The following FBXO27 variants were observed in gnomAD, a reference collection of about 807,000 sequenced individuals.
The protein encoded by FBXO27 is F-box protein 27.
A neutral mutation model predicts 28.3 loss-of-function variants in FBXO27; 28 were observed. The observed-to-expected ratio is 0.99, with a 90% CI of 0.73 to 1.36. The LOEUF (loss-of-function observed/expected upper bound fraction) is 1.36. Among genes scored for constraint, FBXO27 ranks in the 40% most tolerant of loss-of-function variants. The pLI is 0.00. For synonymous variants in FBXO27, 175 were observed against 167.3 expected, an observed-to-expected ratio of 1.05 and a Z score of -0.36; for missense variants, 388 against 394.1, an observed-to-expected ratio of 0.98 and a Z score of 0.13.
chr19:39,026,937 G>A lies in FBXO27; in HGVS notation c.641C>T (p.Thr214Ile), dbSNP rs1215727397. The A allele has an allele frequency of 6.2e-7, 1 of 1,614,204 alleles. No individual in the cohort carries two copies. Among genetic ancestry groups the A allele is most frequent in the Non-Finnish European group, 8.5e-7 (1 of 1,180,046 alleles). ...LLVQLLDANQ[T>I]VLDKFSAVPD... ...CACAGCAGAGAATTTATCTAGAACA[G>A]TCTGGTTGGCGTCTAGAAGTTGGAC... The change falls in exon 5 of 6, where the codon ACT becomes ATT. Residue 214 changes from threonine (T) to isoleucine (I), a missense_variant. Transcript: ENST00000292853.
At chr19:39,006,542 A>G (rs1381004531) in intron 2 of FBXO27, among the ~76,000 whole-genome samples, 1 of 151,154 alleles carries the variant, frequency 6.6e-6, no homozygotes, top group Non-Finnish European at 1.5e-5. Flanking sequence ...CTGGGCAACA[A>G]GAGCGAAACT....
intron 3 of FBXO27, 26 bp downstream of exon 3, chr19:39,031,183 G>A (rs763946942): frequency 1.3e-5 from 21 of 1,613,354 alleles, no homozygotes; most frequent in East Asian, 8.9e-5. Flanking sequence ...CAAGGGGCCG[G>A]ACCTTTGGAT....
chr19:39,021,549 T>TATATA (rs1253217028), downstream of FBXO27, among the ~76,000 whole-genome samples: 1 of 152,198 alleles, frequency 6.6e-6, no homozygotes, highest in African/African-American at 2.4e-5. Context: ...AAGAATACAG[T>TATATA]ATATAATATA....
chr19:39,016,762 G>T (rs1407621850), intron 1 of FBXO27, among the ~76,000 whole-genome samples: 1 of 151,534 alleles, frequency 6.6e-6, no homozygotes, highest in Non-Finnish European at 1.5e-5. Flanking sequence ...TCTAGCCTGG[G>T]CAACAGAGTG....
downstream of FBXO27, among the ~76,000 whole-genome samples, chr19:39,020,938 T>C (rs2072842580): frequency 6.6e-6 from 1 of 151,774 alleles, no homozygotes; most frequent in Non-Finnish European, 1.5e-5. Flanking sequence ...CACTGCAACC[T>C]CCGCCTCCCG....
chr19:39,018,130 G>A (rs79094608), intron 1 of FBXO27, among the ~76,000 whole-genome samples: 17,824 of 152,074 alleles, frequency 0.12, 1,187 homozygotes, highest in African/African-American at 0.15. Context: ...ACAGGTGCCC[G>A]CCACCATGCC....
At chr19:39,013,840 C>T (rs1429252268) in intron 2 of FBXO27, among the ~76,000 whole-genome samples, 1 of 151,696 alleles carries the variant, frequency 6.6e-6, no homozygotes, top group Non-Finnish European at 1.5e-5. Flanking sequence ...GGTGAAACCC[C>T]GTCTCTACTA....
chr19:39,022,429 C>A (rs1344573729), downstream of FBXO27, among the ~76,000 whole-genome samples: 1 of 152,046 alleles, frequency 6.6e-6, no homozygotes, highest in Non-Finnish European at 1.5e-5. Context: ...GCGTGAGCCA[C>A]CACATCCAGT....
At chr19:39,020,755 CAAAAAA>C (rs61577516), downstream of FBXO27, among the ~76,000 whole-genome samples, 2 of 105,282 alleles carry the variant, frequency 1.9e-5, no homozygotes, top group Admixed American at 1.0e-4. Context: ...GTGGATATGG[CAAAAAA>C]AAAAAAAAAA....
intron 1 of FBXO27, among the ~76,000 whole-genome samples, chr19:39,018,022 C>T (rs2072827703): frequency 6.6e-6 from 1 of 152,156 alleles, no homozygotes; most frequent in Non-Finnish European, 1.5e-5. Context: ...ACTCTTGATG[C>T]TCAGGCTGGA....
At chr19:39,025,793 T>C (rs1367739695) in intron 5 of FBXO27, among the ~76,000 whole-genome samples, 2 of 152,052 alleles carry the variant, frequency 1.3e-5, no homozygotes, top group Non-Finnish European at 2.9e-5. Context: ...GGCAGGTGGA[T>C]TGCTTGAGGC....
At chr19:39,010,333 C>T (rs940084328) in intron 2 of FBXO27, among the ~76,000 whole-genome samples, 2 of 152,040 alleles carry the variant, frequency 1.3e-5, no homozygotes, top group African/African-American at 2.4e-5. Context: ...CTTTGGATGT[C>T]GTTATCTGGC....
chr19:39,012,036 T>G (rs915551060), intron 2 of FBXO27, among the ~76,000 whole-genome samples: 9 of 151,426 alleles, frequency 5.9e-5, no homozygotes, highest in Non-Finnish European at 1.3e-4. Flanking sequence ...GGTTTCACCA[T>G]GTTAGCCAGG....
downstream of FBXO27, among the ~76,000 whole-genome samples, chr19:39,020,573 A>G (rs752805989): frequency 1.3e-5 from 2 of 152,110 alleles, no homozygotes; most frequent in Non-Finnish European, 2.9e-5. Flanking sequence ...AGAGAACATT[A>G]GAAAAGTCTG....
chr19:39,023,874 CA>C (rs538651073), downstream of FBXO27, among the ~76,000 whole-genome samples: 5 of 152,124 alleles, frequency 3.3e-5, no homozygotes, highest in Non-Finnish European at 7.4e-5. Flanking sequence ...CTCGGCCTCC[CA>C]AAGTGCTGGG....
At chr19:39,008,095 C>T (rs2072778283) in intron 2 of FBXO27, among the ~76,000 whole-genome samples, 1 of 151,986 alleles carries the variant, frequency 6.6e-6, no homozygotes, top group African/African-American at 2.4e-5. Flanking sequence ...AAACCCCCAT[C>T]TCTACTAAAA....
chr19:39,017,935 G>A (rs557592710), intron 1 of FBXO27, among the ~76,000 whole-genome samples: 29 of 152,192 alleles, frequency 1.9e-4, no homozygotes, highest in Non-Finnish European at 2.2e-4. Context: ...TATATAAAAT[G>A]CAGTGATATT....
chr19:39,032,133 T>G lies in FBXO27; in HGVS notation c.95A>C (p.Glu32Ala). The G allele has an allele frequency of 6.5e-7, 1 of 1,542,774 alleles. No homozygotes were observed. Among genetic ancestry groups the G allele is most frequent in the Non-Finnish European group, 8.7e-7 (1 of 1,151,354 alleles). The change falls in exon 2 of 6, where the codon GAG becomes GCG. Residue 32 changes from glutamate (E) to alanine (A), a missense_variant. Transcript: ENST00000292853. This position sits in a 1 kb window ranked among gnomAD's most constrained non-coding sequence, Gnocchi z 4.7. ...GTGGCTCAGCACCACCAGAAGCAGC[T>G]CTGGGGGTAGTTGGCTCAGGTCCAG... ...EALDLSQLPP[E>A]LLLVVLSHVP...
intron 4 of FBXO27, among the ~76,000 whole-genome samples, chr19:39,028,959 T>G (rs1488889229): frequency 6.6e-6 from 1 of 151,562 alleles, no homozygotes; most frequent in Non-Finnish European, 1.5e-5. Flanking sequence ...GGAGGATTTT[T>G]TGAGGCCAGG....
Sources: allele counts gnomAD v4.1 joint callset (sites outside exome capture counted in the v4.1 genomes callset), GRCh38; gene constraint gnomAD v4.1.1; non-coding constraint Gnocchi (gnomAD v3.1); transcripts MANE v1.5; gene names NCBI Gene and HGNC (gene_info 2026-07-23, HGNC 2026-07-21).